Variants in FERRY3 observed in about 807,000 individuals in gnomAD.
The protein encoded by FERRY3 is FERRY endosomal RAB5 effector complex subunit 3.
the FERRY3 span, among the ~76,000 whole-genome samples, chr12:4,530,970 TA>T: frequency 2.6e-4 from 37 of 144,626 alleles, no homozygotes; most frequent in East Asian, 3.6e-3. Flanking sequence ...AAGATACCTG[TA>T]AAAAAAAAAA....
At chr12:4,500,176 T>G in the FERRY3 span, 1 of 1,614,132 alleles carries the variant, frequency 6.2e-7, no homozygotes, top group African/African-American at 1.3e-5. Context: ...GGAATGCTTA[T>G]TGTTGTGATG....
the FERRY3 span, among the ~76,000 whole-genome samples, chr12:4,510,129 G>A: frequency 1.4e-5 from 2 of 139,554 alleles, no homozygotes; most frequent in African/African-American, 6.1e-5. Context: ...GCGATCAACT[G>A]GAAGAAAGGG....
chr12:4,507,321 G>A, the FERRY3 span, among the ~76,000 whole-genome samples: 1 of 152,116 alleles, frequency 6.6e-6, no homozygotes, highest in Admixed American at 6.5e-5. Context: ...AAGAATAAGA[G>A]GGTATACCGA....
the FERRY3 span, among the ~76,000 whole-genome samples, chr12:4,507,280 G>A: frequency 5.9e-5 from 9 of 152,178 alleles, no homozygotes; most frequent in African/African-American, 1.9e-4. Flanking sequence ...TTCTTTTTGC[G>A]AGGGTTGATA....
chr12:4,524,615 C>T, the FERRY3 span, among the ~76,000 whole-genome samples: 3 of 152,048 alleles, frequency 2.0e-5, no homozygotes, highest in Middle Eastern at 3.4e-3. Context: ...ATTATTATAC[C>T]GTACTCAGTA....
At chr12:4,533,579 G>A in the FERRY3 span, among the ~76,000 whole-genome samples, 1 of 152,070 alleles carries the variant, frequency 6.6e-6, no homozygotes, top group Admixed American at 6.6e-5. Context: ...CTCTTTCTTA[G>A]TAAATAAAAT....
the FERRY3 span, among the ~76,000 whole-genome samples, chr12:4,491,466 A>AT: frequency 6.6e-6 from 1 of 152,244 alleles, no homozygotes; most frequent in Admixed American, 6.5e-5. Context: ...ACAGTTAAAA[A>AT]ATATATATAT....
At chr12:4,528,926 CACACACACACACAA>C in the FERRY3 span, among the ~76,000 whole-genome samples, 14 of 148,722 alleles carry the variant, frequency 9.4e-5, no homozygotes, top group African/African-American at 2.6e-4. Flanking sequence ...CACACACACA[CACACACACACACAA>C]ACAAAAGTGA....
the FERRY3 span, among the ~76,000 whole-genome samples, chr12:4,498,739 G>C: frequency 5.9e-5 from 9 of 152,186 alleles, no homozygotes; most frequent in African/African-American, 2.2e-4. Flanking sequence ...GGAGTTGGGG[G>C]TGAGGGTGGG....
the FERRY3 span, among the ~76,000 whole-genome samples, chr12:4,500,680 G>A: frequency 6.6e-6 from 1 of 152,116 alleles, no homozygotes; most frequent in African/African-American, 2.4e-5. Context: ...TTGACATGGA[G>A]TCTTACTCTG....
At chr12:4,518,625 A>G in the FERRY3 span, 1 of 551,288 alleles carries the variant, frequency 1.8e-6, no homozygotes, top group Non-Finnish European at 3.1e-6. Context: ...TGGGAGGCCA[A>G]GGTGGGTGGA....
the FERRY3 span, among the ~76,000 whole-genome samples, chr12:4,509,629 C>T: frequency 7.0e-6 from 1 of 142,596 alleles, no homozygotes; most frequent in Admixed American, 6.7e-5. Context: ...CACCCCCCGG[C>T]AGGGGTACAC....
chr12:4,505,266 T>C, the FERRY3 span: 1 of 1,285,210 alleles, frequency 7.8e-7, no homozygotes, highest in Non-Finnish European at 1.1e-6. Flanking sequence ...CATCTTTTGG[T>C]ATAAGAAAAC....
At chr12:4,507,501 C>T in the FERRY3 span, among the ~76,000 whole-genome samples, 3 of 150,368 alleles carry the variant, frequency 2.0e-5, no homozygotes, top group Non-Finnish European at 2.9e-5. Flanking sequence ...AAATTATAAA[C>T]GTATGTGTCC....
At chr12:4,489,424 TA>T in the FERRY3 span, 1 of 154,706 alleles carries the variant, frequency 6.5e-6, no homozygotes, top group Non-Finnish European at 1.4e-5. Flanking sequence ...ATTTTGTTTG[TA>T]TGTTTAATTA....
chr12:4,536,317 G>T, the FERRY3 span: 1 of 602,944 alleles, frequency 1.7e-6, no homozygotes, highest in Non-Finnish European at 2.5e-6. Context: ...AAGAGATTTT[G>T]TCTATGAGCC....
the FERRY3 span, among the ~76,000 whole-genome samples, chr12:4,537,776 GAAA>G: frequency 1.3e-5 from 2 of 152,084 alleles, no homozygotes; most frequent in African/African-American, 4.8e-5. Flanking sequence ...TATAATGTTA[GAAA>G]ACTACCAAAA....
chr12:4,512,045 T>C, the FERRY3 span, among the ~76,000 whole-genome samples: 3 of 129,020 alleles, frequency 2.3e-5, no homozygotes, highest in African/African-American at 9.6e-5. Context: ...CAATAAAAAA[T>C]GATAAATGGG....
At chr12:4,507,068 T>C in the FERRY3 span, among the ~76,000 whole-genome samples, 1 of 152,132 alleles carries the variant, frequency 6.6e-6, no homozygotes, top group South Asian at 2.1e-4. Flanking sequence ...CCGTATGTGG[T>C]TTAAAAACTT....
Sources: allele counts gnomAD v4.1 joint callset (sites outside exome capture counted in the v4.1 genomes callset), GRCh38; gene constraint gnomAD v4.1.1; transcripts MANE v1.5; gene names NCBI Gene and HGNC (gene_info 2026-07-23, HGNC 2026-07-21).